The following IL1RAPL1 variants were observed in gnomAD, a reference collection of about 807,000 sequenced individuals.
IL1RAPL1 encodes the protein interleukin-1 receptor accessory protein-like 1.
IL1RAPL1 carries 3 observed loss-of-function variants against 48.4 expected under a neutral mutation model. The observed-to-expected ratio is 0.06, with a 90% CI of 0.03 to 0.16. The LOEUF (loss-of-function observed/expected upper bound fraction) is 0.16. IL1RAPL1 is among the 10% of genes least tolerant of loss of function. The pLI is 1.00. For synonymous variants in IL1RAPL1, 185 were observed against 187.7 expected, an observed-to-expected ratio of 0.99 and a Z score of 0.12; for missense variants, 349 against 530.6, an observed-to-expected ratio of 0.66 and a Z score of 3.36.
intron 5 of IL1RAPL1, among the ~76,000 whole-genome samples, chrX:29,459,427 A>T (rs1602245261): frequency 1.8e-5 from 2 of 111,278 alleles, no homozygotes; most frequent in East Asian, 5.7e-4. Flanking sequence ...TTTATATCAC[A>T]ATGGGATTTG....
intron 3 of IL1RAPL1, among the ~76,000 whole-genome samples, chrX:29,294,249 G>T (rs1932414525): frequency 9.0e-6 from 1 of 110,653 alleles, no homozygotes; most frequent in Admixed American, 9.7e-5. Context: ...AACAGGGGTT[G>T]GCAAACTTTT....
intron 6 of IL1RAPL1, among the ~76,000 whole-genome samples, chrX:29,884,802 A>T (rs781730343): frequency 6.3e-5 from 7 of 111,600 alleles, no homozygotes; most frequent in African/African-American, 2.0e-4. Context: ...TGAGGCCAGA[A>T]TCTTAGAAAT....
Position 28,804,360 on chromosome X carries a change from A to G in IL1RAPL1, c.82+14935A>G, listed in dbSNP as rs1314090584. On this transcript the variant is annotated intron_variant, in intron 2 of 10. Coordinates refer to ENST00000378993, the MANE Select transcript of IL1RAPL1 (RefSeq NM_014271.4). ...ATGAGATATCATACATGTATAGTAT[A>G]TTACTTTCCTATTGTAGCTGTAACA... Among the ~76,000 whole-genome samples the G allele has an allele frequency of 2.7e-5, 3 of 111,904 alleles. 1 individual carries two copies. The highest frequency in any genetic ancestry group is 5.7e-5 in the Non-Finnish European group (3 of 53,088).
At chrX:29,566,867 G>A (rs1464886436) in intron 5 of IL1RAPL1, among the ~76,000 whole-genome samples, 2 of 111,548 alleles carry the variant, frequency 1.8e-5, no homozygotes, top group African/African-American at 3.3e-5. Context: ...ATTAACTTCA[G>A]AACATACAGA....
chrX:29,430,317 A>G (rs970367607), intron 5 of IL1RAPL1, among the ~76,000 whole-genome samples: 5 of 111,297 alleles, frequency 4.5e-5, no homozygotes, highest in Non-Finnish European at 7.5e-5. Flanking sequence ...TAGTCACTGC[A>G]TCCAAGGTAG....
intron 1 of IL1RAPL1, among the ~76,000 whole-genome samples, chrX:28,588,248 ATG>A (rs1933870614): frequency 1.3e-5 from 1 of 76,878 alleles, no homozygotes; most frequent in Non-Finnish European, 2.7e-5. Context: ...GTGTGTGTGT[ATG>A]TGTGTGTGCG....
intron 3 of IL1RAPL1, among the ~76,000 whole-genome samples, chrX:29,312,793 A>G (rs2147620072): frequency 9.0e-6 from 1 of 111,036 alleles, no homozygotes; most frequent in South Asian, 3.9e-4. Flanking sequence ...GAGCGGTGGA[A>G]GATAATTGAA....
intron 2 of IL1RAPL1, among the ~76,000 whole-genome samples, chrX:28,878,364 C>T (rs1157904472): frequency 3.6e-5 from 4 of 111,417 alleles, no homozygotes; most frequent in Admixed American, 9.6e-5. Context: ...GGTGGCATGA[C>T]GGCATGATCA....
At chrX:28,754,675 A>T in intron 1 of IL1RAPL1, among the ~76,000 whole-genome samples, 1 of 111,952 alleles carries the variant, frequency 8.9e-6, no homozygotes, top group Admixed American at 9.5e-5. Flanking sequence ...TATTCTTACC[A>T]GTGTATGTAA....
At chrX:29,194,207 T>G (rs747810502) in intron 2 of IL1RAPL1, among the ~76,000 whole-genome samples, 1 of 112,702 alleles carries the variant, frequency 8.9e-6, no homozygotes, top group African/African-American at 3.2e-5. Context: ...TAGGCAAAGA[T>G]TATTATGATT....
chrX:28,840,973 C>T (rs1056595900), intron 2 of IL1RAPL1, among the ~76,000 whole-genome samples: 1 of 110,849 alleles, frequency 9.0e-6, no homozygotes, highest in African/African-American at 3.3e-5. Flanking sequence ...TATTTCAGTA[C>T]GACAATAGAC....
intron 5 of IL1RAPL1, among the ~76,000 whole-genome samples, chrX:29,569,531 C>G (rs908140915): frequency 9.0e-6 from 1 of 110,763 alleles, no homozygotes; most frequent in Non-Finnish European, 1.9e-5. Context: ...GCCTAACTCT[C>G]TTCACTTTAT....
At chrX:29,711,191 T>G (rs182572728) in intron 6 of IL1RAPL1, among the ~76,000 whole-genome samples, 8,590 of 103,098 alleles carry the variant, frequency 0.083, 323 homozygotes, top group Middle Eastern at 0.25. Context: ...TTTCTTTTCT[T>G]TTTTTTTTTG....
intron 2 of IL1RAPL1, among the ~76,000 whole-genome samples, chrX:29,184,512 C>CT (rs1220045362): frequency 9.0e-6 from 1 of 110,994 alleles, no homozygotes; most frequent in Non-Finnish European, 1.9e-5. Context: ...TGTTTGTTTT[C>CT]TTTTTTGAGA....
At chrX:29,713,855 A>G (rs1008543140) in intron 6 of IL1RAPL1, among the ~76,000 whole-genome samples, 1 of 112,274 alleles carries the variant, frequency 8.9e-6, no homozygotes, top group African/African-American at 3.2e-5. Flanking sequence ...CAGTGTTGAA[A>G]CATTTGAAAC....
At chrX:29,492,323 C>A (rs926011292) in intron 5 of IL1RAPL1, among the ~76,000 whole-genome samples, 1 of 112,089 alleles carries the variant, frequency 8.9e-6, no homozygotes, top group Non-Finnish European at 1.9e-5. Context: ...TTTATTGCTG[C>A]CGTAATAAAT....
chrX:29,327,175 T>C (rs1390961405), intron 3 of IL1RAPL1, among the ~76,000 whole-genome samples: 1 of 111,189 alleles, frequency 9.0e-6, no homozygotes, highest in East Asian at 2.8e-4. Context: ...CTCTAGGTGA[T>C]TTAATATGCA....
Position 29,258,598 on chromosome X carries a change from G to GT in IL1RAPL1, c.83-24328dup, listed in dbSNP as rs1233181689. Among the ~76,000 whole-genome samples, 479 of 103,045 alleles carry GT rather than the reference G, an allele frequency of 4.6e-3. 2 individuals are homozygous for GT. The highest frequency in any genetic ancestry group is 0.011 in the African/African-American group (320 of 28,837). The allele number at this position is 103,045 out of a possible 115,157, so 89.5% of individuals were successfully genotyped here. A position where few individuals can be genotyped will look rare whatever the true frequency, so the allele number is the denominator to read the frequency against. ...ATAATAAAGCCAAAGTTATTATTTA[G>GT]TTTTTTTTTTTTAGAAATTAAGTTG... On this transcript the variant is annotated intron_variant, in intron 2 of 10. Transcript: ENST00000378993.
At chrX:29,784,956 G>A (rs886131138) in intron 6 of IL1RAPL1, among the ~76,000 whole-genome samples, 1 of 111,817 alleles carries the variant, frequency 8.9e-6, no homozygotes, top group Non-Finnish European at 1.9e-5. Context: ...ACATTGATAC[G>A]TTGCAGTAGT....
Sources: allele counts gnomAD v4.1 joint callset (sites outside exome capture counted in the v4.1 genomes callset), GRCh38; gene constraint gnomAD v4.1.1; transcripts MANE v1.5; gene names NCBI Gene and HGNC (gene_info 2026-07-23, HGNC 2026-07-21).